SYTL2: variants seen among roughly 807,000 people sequenced by gnomAD.
SYTL2 encodes the protein synaptotagmin like 2.
SYTL2 carries 165 observed loss-of-function variants against 198.7 expected under a neutral mutation model. That is an observed-to-expected ratio of 0.83 (90% CI 0.73 to 0.94). The LOEUF is 0.94. SYTL2 is among the 40% of genes least tolerant of loss of function. SYTL2 has a pLI of 0.00. For missense variants in SYTL2, 2,835 were observed against 2,582.8 expected (o/e 1.10, Z -2.12); for synonymous variants, 966 against 917.7 (o/e 1.05, Z -0.95).
At chr11:85,745,014 G>C (rs2091052240) in intron 4 of SYTL2, among the ~76,000 whole-genome samples, 1 of 152,154 alleles carries the variant, frequency 6.6e-6, no homozygotes, top group African/African-American at 2.4e-5. Context: ...TAATATTGAA[G>C]ATAATCTATA....
At chr11:85,741,306 A>C (rs1348700680) in intron 4 of SYTL2, among the ~76,000 whole-genome samples, 2 of 152,208 alleles carry the variant, frequency 1.3e-5, no homozygotes, top group East Asian at 3.8e-4. Flanking sequence ...AGGGAAGCAA[A>C]TTAGAAAATA....
intron 12 of SYTL2, among the ~76,000 whole-genome samples, chr11:85,711,687 C>A (rs1469374646): frequency 6.6e-6 from 1 of 152,060 alleles, no homozygotes; most frequent in Non-Finnish European, 1.5e-5. Flanking sequence ...AAAATCAAAT[C>A]TTTTACTTGA....
chr11:85,716,845 C>G (rs531470431), intron 11 of SYTL2, among the ~76,000 whole-genome samples: 10 of 152,162 alleles, frequency 6.6e-5, no homozygotes, highest in Non-Finnish European at 1.2e-4. Context: ...AAAGATCGAA[C>G]AAACATTATC....
Position 85,726,562 on chromosome 11 carries a change from T to C in SYTL2, c.2796A>G (p.Gln932=), listed in dbSNP as rs1188380960. Residue 932 remains glutamine, a synonymous_variant, in exon 8 of 20, where the codon CAA becomes CAG. Coordinates refer to ENST00000359152, the MANE Select transcript of SYTL2 (RefSeq NM_206927.4). ...GTTCACTCCCGACATTTGAGGGAGG[T>C]TGCAGTGCTGGTAAAGTAATGTTTC... The part of the protein sequence containing the change: ...SRRNITLPAL[Q]PPSNVGSERH... 3 of 1,593,392 alleles carry C rather than the reference T, an allele frequency of 1.9e-6. No homozygotes were observed. The highest frequency in any genetic ancestry group is 1.1e-5 in the South Asian group (1 of 90,340).
the SYTL2 span, among the ~76,000 whole-genome samples, chr11:85,826,567 C>T: frequency 1.3e-5 from 2 of 152,198 alleles, no homozygotes; most frequent in Admixed American, 1.3e-4. Flanking sequence ...GAAGCTAAAA[C>T]AGGCTGTGCT....
Position 85,726,623 on chromosome 11 carries a change from T to C in SYTL2, c.2735A>G (p.Lys912Arg), listed in dbSNP as rs770324276. 18 of 1,542,160 alleles carry C rather than the reference T, an allele frequency of 1.2e-5. No individual in the cohort carries two copies. In the Admixed American group the frequency reaches 2.9e-4, roughly 25 times the overall value. Residue 912 changes from lysine to arginine, a missense_variant, in exon 8 of 20, where the codon AAA becomes AGA. Lys to Arg is a conservative substitution (Grantham distance 26, BLOSUM62 2). Coordinates refer to ENST00000359152, the MANE Select transcript of SYTL2 (RefSeq NM_206927.4). ...CAAACTGTCTGCCACTTGTGATCTT[T>C]TTATAGGCTCATTTTTCTTATTCTG... ...LFQNKKNEPIKRSQVADSLPS... is the reference protein window; with the variant it reads ...LFQNKKNEPIRRSQVADSLPS...
intron 1 of SYTL2, among the ~76,000 whole-genome samples, chr11:85,768,349 T>C (rs940477840): frequency 3.9e-5 from 6 of 152,162 alleles, no homozygotes; most frequent in African/African-American, 1.4e-4. Context: ...AGCTTTGGAG[T>C]CAAAAGATAA....
At chr11:85,770,496 G>A (rs2092333105) in intron 1 of SYTL2, among the ~76,000 whole-genome samples, 1 of 152,140 alleles carries the variant, frequency 6.6e-6, no homozygotes, top group South Asian at 2.1e-4. Context: ...GCACTTCCCT[G>A]ATGGCAGAGA....
intron 1 of SYTL2, among the ~76,000 whole-genome samples, chr11:85,786,918 C>T (rs1045611666): frequency 9.9e-5 from 15 of 152,178 alleles, no homozygotes; most frequent in African/African-American, 3.6e-4. Context: ...TAGCACAATG[C>T]TCAACCCAGA....
At chr11:85,832,078 C>A in the SYTL2 span, among the ~76,000 whole-genome samples, 2 of 152,144 alleles carry the variant, frequency 1.3e-5, no homozygotes, top group Admixed American at 1.3e-4. Flanking sequence ...ATTTGAAATG[C>A]TACAGGAGTA....
At chr11:85,712,268 A>C (rs1464084250) in intron 12 of SYTL2, among the ~76,000 whole-genome samples, 2 of 152,208 alleles carry the variant, frequency 1.3e-5, no homozygotes, top group East Asian at 3.8e-4. Flanking sequence ...AAAAAAATTC[A>C]TATCTTTTAA....
the SYTL2 span, among the ~76,000 whole-genome samples, chr11:85,836,767 T>G: frequency 4.6e-5 from 7 of 152,204 alleles, no homozygotes; most frequent in Admixed American, 3.3e-4. Context: ...TTTGTTATAC[T>G]TAGTATACTT....
rs950543280 is a variant in SYTL2 at position 85,724,509 on chromosome 11, G to C, written c.4849C>G (p.Gln1617Glu). 6.2e-7 allele frequency: 1 copy of C among 1,613,766 alleles called. No individual in the cohort carries two copies. The highest frequency in any genetic ancestry group is 1.3e-5 in the African/African-American group (1 of 74,914). ...CTTTTATCCTTCATTTCAGAGGTCT[G>C]TGAGGCTGCCCTGTAAAAATGGGGC... ...TVPHFYRAAS[Q>E]TSEMKDKSNG... Residue 1617 changes from glutamine to glutamate, a missense_variant, in exon 8 of 20, where the codon CAG becomes GAG. Transcript: ENST00000359152.
At chr11:85,714,540 C>T in intron 11 of SYTL2, 33 bp from the exon 12 acceptor site, 1 of 1,594,500 alleles carries the variant, frequency 6.3e-7, no homozygotes, top group Non-Finnish European at 8.6e-7. Context: ...CAAAATTATT[C>T]TTACAATTGT....
chr11:85,739,139 C>T (rs2090587041), intron 4 of SYTL2, among the ~76,000 whole-genome samples: 1 of 152,134 alleles, frequency 6.6e-6, no homozygotes. Flanking sequence ...ATCTTTATAT[C>T]CCCTGCAGTG....
At chr11:85,723,214 C>G (rs544769322) in intron 8 of SYTL2, among the ~76,000 whole-genome samples, 1 of 152,288 alleles carries the variant, frequency 6.6e-6, no homozygotes, top group African/African-American at 2.4e-5. Context: ...AACCAACGCC[C>G]CCACGTTCAT....
the SYTL2 span, among the ~76,000 whole-genome samples, chr11:85,824,780 C>T: frequency 1.3e-5 from 2 of 152,278 alleles, no homozygotes; most frequent in East Asian, 3.9e-4. Context: ...AGTGCGGGCA[C>T]TAGGAGAAGT....
chr11:85,833,840 G>A, the SYTL2 span, among the ~76,000 whole-genome samples: 1 of 150,132 alleles, frequency 6.7e-6, no homozygotes, highest in Non-Finnish European at 1.5e-5. Flanking sequence ...TCGGGTTCAA[G>A]CTTTTCTCCT....
chr11:85,786,300 A>T (rs757988741), intron 1 of SYTL2, among the ~76,000 whole-genome samples: 1 of 152,146 alleles, frequency 6.6e-6, no homozygotes, highest in Non-Finnish European at 1.5e-5. Context: ...GAACAAATGG[A>T]AAGAATCTGT....
Sources: gnomAD v4.1 joint callset for allele counts (sites outside exome capture counted in the v4.1 genomes callset) on GRCh38, gnomAD v4.1.1 for gene constraint, MANE v1.5 for transcripts, NCBI Gene and HGNC (gene_info 2026-07-23, HGNC 2026-07-21) for gene names.